The following DNAJB2 variants were observed in gnomAD, a reference collection of about 807,000 sequenced individuals.
DNAJB2 encodes DnaJ heat shock protein family (Hsp40) member B2, also known as dnaJ homolog subfamily B member 2.
DNAJB2 carries 19 observed loss-of-function variants against 33.3 expected under a neutral mutation model. The ratio of observed to expected loss-of-function variants is 0.57; its 90% CI spans 0.40 to 0.84. The LOEUF is 0.84. Among genes scored for constraint, DNAJB2 ranks in the 40% least tolerant of loss-of-function variants. DNAJB2 has a pLI of 0.00. For synonymous variants in DNAJB2, 172 were observed against 164.6 expected (o/e 1.04, Z -0.34); for missense variants, 368 against 430.9 (o/e 0.85, Z 1.29).
At chr2:219,282,296 A>G (rs1351341027) in intron 5 of DNAJB2, 3 of 585,362 alleles carry the variant, frequency 5.1e-6, no homozygotes, top group East Asian at 2.9e-5. Flanking sequence ...ACAATAATAC[A>G]TTGTTAGACT....
intron 3 of DNAJB2, 39 bp downstream of exon 3, chr2:219,280,726 C>T: frequency 7.1e-7 from 1 of 1,414,310 alleles, no homozygotes; most frequent in East Asian, 2.3e-5. Context: ...CACATCACCC[C>T]CTACTTCATG....
Position 219,280,312 on chromosome 2 carries a change from G to T in DNAJB2, c.66-266G>T, listed in dbSNP as rs372946940. The T allele has an allele frequency of 8.8e-5, 49 of 556,008 alleles. No homozygotes were observed. The South Asian group carries it at 1.1e-3, about 12-fold the overall frequency. The allele number at this position is 556,008 out of a possible 1,614,324, so 34.4% of individuals were successfully genotyped here. On this transcript the variant is annotated intron_variant, in intron 2 of 8. Transcript: ENST00000336576. ...GGCCACATGTGCCCCAACCTTTGCA[G>T]CCCCAGTCCAGTGAGCCCTAGGGAG...
At chr2:219,280,472 G>A (rs2125081711) in intron 2 of DNAJB2, 106 bp from the exon 3 acceptor site, 1 of 814,248 alleles carries the variant, frequency 1.2e-6, no homozygotes, top group East Asian at 2.6e-5. Context: ...GGACCCGGGG[G>A]TGAAAGGACA....
At chr2:219,284,544 A>AGTGGTCAGG (rs1951936109) in intron 8 of DNAJB2, 88 bp from the exon 9 acceptor site, 1 of 1,466,648 alleles carries the variant, frequency 6.8e-7, no homozygotes, top group Non-Finnish European at 9.1e-7. Context: ...AGAGACTCTA[A>AGTGGTCAGG]GTGGTCAGGG....
Position 219,286,049 on chromosome 2 carries a change from TC to T in DNAJB2, c.*1067del. On this transcript the variant is annotated 3_prime_UTR_variant, in exon 9 of 9. Coordinates refer to ENST00000336576, the MANE Select transcript of DNAJB2 (RefSeq NM_006736.6). ...GCACAGTTCCAACAGGACAGCGCCT[TC>T]CCCCATGCGCTGGGAGGGGACCCTC... is the stretch of plus-strand genomic sequence containing the variant. 1 of 1,389,542 alleles carries T rather than the reference TC, an allele frequency of 7.2e-7. No homozygotes were observed. The highest frequency in any genetic ancestry group is 1.2e-5 in the South Asian group (1 of 82,004). 86.1% of individuals were successfully genotyped at this position (1,389,542 alleles called of 1,614,324 possible).
At position 219,284,923 on chromosome 2, in the gene DNAJB2, G is replaced by T; in HGVS notation, c.911G>T (p.Arg304Met). ...TTGGGGGGGACCCAGGAGGGTGCGA[G>T]GGGTGAAGCAACCAAACGCAGTCCA... ...PGLGGTQEGA[R>M]GEATKRSPSP... The change falls in exon 9 of 9, where the codon AGG becomes ATG. Residue 304 changes from arginine (R) to methionine (M), a missense_variant. Transcript: ENST00000336576. 6.3e-7 allele frequency: 1 copy of T among 1,580,250 alleles called. No homozygotes were observed. The highest frequency in any genetic ancestry group is 8.6e-7 in the Non-Finnish European group (1 of 1,159,548).
In DNAJB2 at chr2:219,285,023, C is replaced by G; in HGVS notation, c.*36C>G. ...CAACCTGATCTGATCCAGATCTTGACTGGGGGGTCTGACTCACTGTGGGAA... is the reference window on the plus strand; with the variant it reads ...CAACCTGATCTGATCCAGATCTTGAGTGGGGGGTCTGACTCACTGTGGGAA... On this transcript the variant is annotated 3_prime_UTR_variant, in exon 9 of 9. Coordinates refer to ENST00000336576, the MANE Select transcript of DNAJB2 (RefSeq NM_006736.6). 2.1e-6 allele frequency: 3 copies of G among 1,448,996 alleles called. No homozygotes were observed. Among genetic ancestry groups the G allele is most frequent in the Non-Finnish European group, 2.7e-6 (3 of 1,094,828 alleles). The allele number at this position is 1,448,996 out of a possible 1,614,324, so 89.8% of individuals were successfully genotyped here.
In DNAJB2 at chr2:219,284,819, T is replaced by C; in HGVS notation, c.807T>C (p.Ala269=). The change falls in exon 9 of 9, where the codon GCT becomes GCC. Residue 269 remains alanine, a synonymous_variant. Transcript: ENST00000336576. ...ACAGCCTGTCAGAGATGGAGGCAGC[T>C]GGGAAGAAACCCGCAGGTGGGCGGG... The part of the protein sequence containing the change: ...MAYSLSEMEA[A]GKKPAGGREA... 6.2e-7 allele frequency: 1 copy of C among 1,612,436 alleles called. No individual in the cohort carries two copies. Among genetic ancestry groups the C allele is most frequent in the Non-Finnish European group, 8.5e-7 (1 of 1,179,406 alleles).
chr2:219,281,773 T>A lies in DNAJB2; in HGVS notation c.229+2T>A. On this transcript the variant is annotated splice_donor_variant, in intron 4 of 8. Transcript: ENST00000336576. LOFTEE classifies it high-confidence loss of function. ...GCCGGGAAGGGCTGACAGGGACAGG[T>A]AGGTGGAGTGGTGAGGCCCAGGAAT... is the stretch of plus-strand genomic sequence containing the variant. 10 of 1,613,522 alleles carry A rather than the reference T, an allele frequency of 6.2e-6. No homozygotes were observed. The highest frequency in any genetic ancestry group is 1.3e-5 in the African/African-American group (1 of 74,858).
Position 219,285,927 on chromosome 2 carries a change from A to G in DNAJB2, c.*940A>G, listed in dbSNP as rs1951951283. 5 of 1,604,070 alleles carry G rather than the reference A, an allele frequency of 3.1e-6. No individual in the cohort carries two copies. The highest frequency in any genetic ancestry group is 4.2e-6 in the Non-Finnish European group (5 of 1,177,278). On this transcript the variant is annotated 3_prime_UTR_variant, in exon 9 of 9. Transcript: ENST00000336576. The stretch of plus-strand genomic sequence containing the variant: ...AGCCCAGGTCTGCATGCTGAGCCCC[A>G]TCCTCCACAGCTTGCCGCTGACGCT...
At chr2:219,282,631 CTTTA>C (rs902124742) in intron 5 of DNAJB2, 5 of 493,868 alleles carry the variant, frequency 1.0e-5, no homozygotes, top group African/African-American at 1.0e-4. Flanking sequence ...TCCTTCCTTC[CTTTA>C]TTCTTTATTG....
chr2:219,281,832 A>G, intron 4 of DNAJB2, 61 bp downstream of exon 4: 1 of 1,612,834 alleles, frequency 6.2e-7, no homozygotes. Flanking sequence ...GGCAGGGCAG[A>G]TTCTTGCAAT....
Position 219,285,878 on chromosome 2 carries a change from G to A in DNAJB2, c.*891G>A, listed in dbSNP as rs1951950773. 6.5e-7 allele frequency: 1 copy of A among 1,535,174 alleles called. No individual in the cohort carries two copies. Among genetic ancestry groups the A allele is most frequent in the East Asian group, 2.3e-5 (1 of 43,296 alleles). Reference sequence around the variant, plus strand: ...ATACTGCTTCCCTACCACAAATCAGGGCTCAGGGAGAGGCCATGCGGCCAG... The same window carrying A: ...ATACTGCTTCCCTACCACAAATCAGAGCTCAGGGAGAGGCCATGCGGCCAG... On this transcript the variant is annotated 3_prime_UTR_variant, in exon 9 of 9. Coordinates refer to ENST00000336576, the MANE Select transcript of DNAJB2 (RefSeq NM_006736.6).
Position 219,285,835 on chromosome 2 carries a change from T to C in DNAJB2, c.*848T>C. ...GACCGGGGGACCCCAGAGGGAGGCC[T>C]AGGAGGGGACTGCACCCATACTGCT... is the stretch of plus-strand genomic sequence containing the variant. On this transcript the variant is annotated 3_prime_UTR_variant, in exon 9 of 9. Coordinates refer to ENST00000336576, the MANE Select transcript of DNAJB2 (RefSeq NM_006736.6). 1 of 1,432,728 alleles carries C rather than the reference T, an allele frequency of 7.0e-7. No individual in the cohort carries two copies. The highest frequency in any genetic ancestry group is 9.2e-7 in the Non-Finnish European group (1 of 1,089,376). The allele number at this position is 1,432,728 out of a possible 1,614,324, so 88.8% of individuals were successfully genotyped here.
rs745422775 is a variant in DNAJB2, at chr2:219,283,146, A to G, written c.459A>G (p.Ser153=). ...SFPGHSDFSS[S]SFSFSPGAGA... is the part of the protein sequence containing the mutation. ...TCCCGATGCCAGATTTCTCCTCCTC[A>G]TCTTTCTCCTTCAGTCCTGGGGCTG... is the stretch of plus-strand genomic sequence containing the variant. The change falls in exon 7 of 9, where the codon TCA becomes TCG. Residue 153 remains serine (S), a synonymous_variant. Transcript: ENST00000336576. 1 of 1,613,842 alleles carries G rather than the reference A, an allele frequency of 6.2e-7. No homozygotes were observed. Among genetic ancestry groups the G allele is most frequent in the African/African-American group, 1.3e-5 (1 of 74,852 alleles).
intron 3 of DNAJB2, chr2:219,281,273 A>G (rs1464958037): frequency 2.0e-5 from 4 of 198,798 alleles, no homozygotes; most frequent in Non-Finnish European, 4.2e-5. Context: ...ATTCCGAGGG[A>G]AGAAACAGGG....
chr2:219,280,000 GT>G lies in DNAJB2; in HGVS notation c.65+104del. ...TGTAGGTGTCTGAGGGAACCAGGTC[GT>G]TAGAAAGCACTGGGGTGCTTCTTCC... On this transcript the variant is annotated intron_variant, in intron 2 of 8. Transcript: ENST00000336576. The surrounding 1 kb of genome is among the most constrained non-coding windows in gnomAD (Gnocchi z 4.9). 1.5e-6 allele frequency: 2 copies of G among 1,350,762 alleles called. No individual in the cohort carries two copies. Among genetic ancestry groups the G allele is most frequent in the Non-Finnish European group, 2.1e-6 (2 of 963,036 alleles). The allele number at this position is 1,350,762 out of a possible 1,614,324, so 83.7% of individuals were successfully genotyped here. A position where few individuals can be genotyped will look rare whatever the true frequency, so the allele number is the denominator to read the frequency against.
At position 219,285,539 on chromosome 2, in the gene DNAJB2, C is replaced by T. The variant is rs1951947378; in HGVS notation, c.*552C>T. ...CTCCCTCCCATTCTCTCTGCAACTC[C>T]CTGCGGGCCGCATCGCTTGCTTTCA... is the stretch of plus-strand genomic sequence containing the variant. On this transcript the variant is annotated 3_prime_UTR_variant, in exon 9 of 9. Coordinates refer to ENST00000336576, the MANE Select transcript of DNAJB2 (RefSeq NM_006736.6). The T allele has an allele frequency of 2.9e-6, 3 of 1,019,584 alleles. No homozygotes were observed. Among genetic ancestry groups the T allele is most frequent in the Non-Finnish European group, 3.5e-6 (3 of 851,626 alleles). 63.2% of individuals were successfully genotyped at this position (1,019,584 alleles called of 1,614,324 possible).
In DNAJB2 at chr2:219,282,843, T is replaced by A; in HGVS notation, c.359T>A (p.Leu120Gln). The A allele has an allele frequency of 6.3e-7, 1 of 1,585,526 alleles. No homozygotes were observed. Among genetic ancestry groups the A allele is most frequent in the Non-Finnish European group, 8.5e-7 (1 of 1,169,972 alleles). Residue 120 changes from leucine to glutamine, a missense_variant, in exon 6 of 9, where the codon CTG becomes CAG. Physicochemically the swap from Leu to Gln is moderately radical, Grantham distance 113. Coordinates refer to ENST00000336576, the MANE Select transcript of DNAJB2 (RefSeq NM_006736.6). ...ATCTGTTTACTTGTTGCAGATGACC[T>A]GGGCCCCTTCTCAGAGCTTCAGAAC... Reference protein sequence around the residue: ...GDPFAELFDDLGPFSELQNRG... With the variant: ...GDPFAELFDDQGPFSELQNRG...
Sources: gnomAD v4.1 joint callset for allele counts on GRCh38, gnomAD v4.1.1 for gene constraint, Gnocchi (gnomAD v3.1) non-coding constraint, MANE v1.5 for transcripts, NCBI Gene and HGNC (gene_info 2026-07-23, HGNC 2026-07-21) for gene names.